The following NME7 variants were observed in gnomAD, a reference collection of about 807,000 sequenced individuals.
NME7 encodes nucleoside diphosphate kinase 7.
A neutral mutation model predicts 49.1 loss-of-function variants in NME7; 41 were observed. The observed-to-expected ratio is 0.83, with a 90% CI of 0.65 to 1.08. NME7 has a LOEUF of 1.08. Ranked by LOEUF, NME7 falls within the 50% of genes least tolerant of loss-of-function variation. The pLI, the probability that NME7 is intolerant of heterozygous loss-of-function variation, is 0.00. For missense variants in NME7, 423 were observed against 463.4 expected, an observed-to-expected ratio of 0.91 and a Z score of 0.80; for synonymous variants, 139 against 150.6, an observed-to-expected ratio of 0.92 and a Z score of 0.56.
intron 3 of NME7, among the ~76,000 whole-genome samples, chr1:169,322,782 G>C (rs143986377): frequency 6.6e-5 from 10 of 152,026 alleles, no homozygotes; most frequent in African/African-American, 2.2e-4. Flanking sequence ...ATCATCATTT[G>C]AAAACAGGGA....
At chr1:169,141,468 G>A (rs753439747) in intron 11 of NME7, among the ~76,000 whole-genome samples, 1 of 152,166 alleles carries the variant, frequency 6.6e-6, no homozygotes, top group Non-Finnish European at 1.5e-5. Flanking sequence ...ACAGTGATTC[G>A]GGAAAAGGAT....
chr1:169,336,764 C>G (rs990230561), intron 1 of NME7, among the ~76,000 whole-genome samples: 1 of 151,504 alleles, frequency 6.6e-6, no homozygotes, highest in African/African-American at 2.4e-5. Flanking sequence ...AAGCTAAACA[C>G]TGGGTGCTGA....
chr1:169,133,096 A>G (rs1228090668), intron 11 of NME7, among the ~76,000 whole-genome samples: 1 of 152,202 alleles, frequency 6.6e-6, no homozygotes, highest in Non-Finnish European at 1.5e-5. Context: ...TGTTAAAAAA[A>G]AAAGTTGTTA....
intron 10 of NME7, among the ~76,000 whole-genome samples, chr1:169,228,550 G>A (rs944974806): frequency 1.1e-4 from 16 of 151,202 alleles, no homozygotes; most frequent in African/African-American, 2.2e-4. Flanking sequence ...AGTGGCGGGC[G>A]CCTGTAGTCC....
intron 7 of NME7, among the ~76,000 whole-genome samples, chr1:169,281,514 C>A (rs1395622493): frequency 6.6e-6 from 1 of 152,184 alleles, no homozygotes; most frequent in East Asian, 1.9e-4. Flanking sequence ...TGAGAGAGGG[C>A]ATCCTTGTCT....
At chr1:169,335,447 C>T (rs1197644201) in intron 1 of NME7, among the ~76,000 whole-genome samples, 2 of 151,936 alleles carry the variant, frequency 1.3e-5, no homozygotes, top group African/African-American at 4.8e-5. Flanking sequence ...CTTCAGCAAA[C>T]TAGCACACGA....
intron 7 of NME7, among the ~76,000 whole-genome samples, chr1:169,266,019 T>C (rs1649307442): frequency 7.6e-6 from 1 of 131,868 alleles, no homozygotes; most frequent in African/African-American, 2.6e-5. Context: ...TTCATAGCCA[T>C]ATTCTACCAG....
intron 10 of NME7, among the ~76,000 whole-genome samples, chr1:169,213,830 A>AAT (rs113770115): frequency 0.24 from 35,578 of 149,002 alleles, 5,214 homozygotes; most frequent in Non-Finnish European, 0.34. Context: ...TAAATAAATA[A>AAT]ATATATATAT....
In NME7 at chr1:169,201,096, C is replaced by T. The variant is rs140239379; in HGVS notation, c.990+29622G>A. Among the ~76,000 whole-genome samples, 993 of 152,004 alleles carry T rather than the reference C, an allele frequency of 6.5e-3. 14 individuals carry two copies. The highest frequency in any genetic ancestry group is 0.022 in the African/African-American group (924 of 41,474). ...AATTTAAAACATGGGCCAGGTGTGG[C>T]GGCACGCACTTGTAGTCCCAGCTAC... On this transcript the variant is annotated intron_variant, in intron 10 of 11. Transcript: ENST00000367811.
intron 10 of NME7, among the ~76,000 whole-genome samples, chr1:169,186,553 G>C (rs994489988): frequency 6.6e-6 from 1 of 152,194 alleles, no homozygotes; most frequent in African/African-American, 2.4e-5. Context: ...TATTTGAGTA[G>C]AGATGTTTAC....
At chr1:169,205,718 A>C (rs975720033) in intron 10 of NME7, among the ~76,000 whole-genome samples, 4 of 152,158 alleles carry the variant, frequency 2.6e-5, no homozygotes, top group African/African-American at 9.7e-5. Flanking sequence ...ACCACATGGA[A>C]GCCAGCATTA....
chr1:169,227,955 T>C (rs1647412560), intron 10 of NME7, among the ~76,000 whole-genome samples: 1 of 151,880 alleles, frequency 6.6e-6, no homozygotes, highest in Non-Finnish European at 1.5e-5. Flanking sequence ...CTAAGATCTT[T>C]GAGGCTTATA....
rs377474633 is a variant in NME7, at chr1:169,273,557, C to A, written c.754+13746G>T. Among the ~76,000 whole-genome samples the A allele has an allele frequency of 2.3e-5, 3 of 131,252 alleles. No homozygotes were observed. The East Asian group carries it at 6.0e-4, about 26-fold the overall frequency. The allele number at this position is 131,252 out of a possible 152,430, so 86.1% of individuals were successfully genotyped here. A position where few individuals can be genotyped will look rare whatever the true frequency, so the allele number is the denominator to read the frequency against. On this transcript the variant is annotated intron_variant, in intron 7 of 11. Transcript: ENST00000367811. ...ACATGTGCCATGCTGGTGTGCTGCA[C>A]CCATTGACTCGTCATTTAGCATTAG...
intron 10 of NME7, among the ~76,000 whole-genome samples, chr1:169,190,002 C>T (rs1458273861): frequency 6.6e-6 from 1 of 152,038 alleles, no homozygotes; most frequent in South Asian, 2.1e-4. Context: ...TCAAAAGAAA[C>T]TATGAAATAA....
intron 11 of NME7, among the ~76,000 whole-genome samples, chr1:169,140,700 G>T (rs370220735): frequency 4.9e-5 from 7 of 141,498 alleles, no homozygotes; most frequent in African/African-American, 1.0e-4. Flanking sequence ...GAGAAGAAAA[G>T]ATTTTGACAG....
At position 169,342,901 on chromosome 1, in the gene NME7, C is replaced by CAT. The variant is rs202210325; in HGVS notation, c.4-18403_4-18402dup. The stretch of plus-strand genomic sequence containing the variant: ...TAGTATATATACATATATACAAGTA[C>CAT]ATATATATAGTGTATATATATATAT... On this transcript the variant is annotated intron_variant, in intron 1 of 11. Coordinates refer to ENST00000367811, the MANE Select transcript of NME7 (RefSeq NM_013330.5). 4.5e-4 allele frequency among the ~76,000 whole-genome samples: 39 copies of CAT among 87,470 alleles called. 1 individual carries two copies. The highest frequency in any genetic ancestry group is 1.5e-3 in the African/African-American group (34 of 22,296). The allele number at this position is 87,470 out of a possible 152,430, so 57.4% of individuals were successfully genotyped here. A position where few individuals can be genotyped will look rare whatever the true frequency, so the allele number is the denominator to read the frequency against.
chr1:169,250,166 T>G (rs1283603590), intron 7 of NME7, among the ~76,000 whole-genome samples: 2 of 152,202 alleles, frequency 1.3e-5, no homozygotes, highest in African/African-American at 4.8e-5. Context: ...GTTCTTGGTC[T>G]GTTCGGGGTT....
chr1:169,237,868 T>C (rs2101828801), intron 7 of NME7, among the ~76,000 whole-genome samples, 181 bp from the exon 8 acceptor site: 1 of 152,144 alleles, frequency 6.6e-6, no homozygotes, highest in East Asian at 1.9e-4. Context: ...AATCATTTGA[T>C]TTCCTTTGTA....
chr1:169,325,617 T>G (rs1217539036), intron 1 of NME7, among the ~76,000 whole-genome samples: 1 of 152,160 alleles, frequency 6.6e-6, no homozygotes. Flanking sequence ...GAAGGGAATC[T>G]AGGAGTTTTA....
Sources: allele counts gnomAD v4.1 joint callset (sites outside exome capture counted in the v4.1 genomes callset), GRCh38; gene constraint gnomAD v4.1.1; transcripts MANE v1.5; gene names NCBI Gene and HGNC (gene_info 2026-07-23, HGNC 2026-07-21).